Variants in NIM1K observed in about 807,000 individuals in gnomAD.
NIM1K encodes the protein serine/threonine-protein kinase NIM1.
A neutral mutation model predicts 37.1 loss-of-function variants in NIM1K; 35 were observed. The observed-to-expected ratio is 0.94, with a 90% confidence interval of 0.72 to 1.25. NIM1K has a LOEUF of 1.25. Among genes scored for constraint, NIM1K ranks in the 50% most tolerant of loss-of-function variants. NIM1K has a pLI of 0.00. For synonymous variants in NIM1K, 234 were observed against 206.6 expected (o/e 1.13, Z -1.14); for missense variants, 564 against 548.0 (o/e 1.03, Z -0.29).
rs868647627 is a variant in NIM1K, at chr5:43,245,754, G to A, written c.-22G>A. The A allele has an allele frequency of 1.9e-6, 3 of 1,552,384 alleles. No homozygotes were observed. The highest frequency in any genetic ancestry group is 1.7e-6 in the Non-Finnish European group (2 of 1,145,920). ...CACAACCTGCCTCTTCGCTGAGATG[G>A]AGACGTGAGCCCCCGTGGACGATGA... On this transcript the variant is annotated 5_prime_UTR_variant, in exon 2 of 4. Coordinates refer to ENST00000326035, the MANE Select transcript of NIM1K (RefSeq NM_153361.4).
chr5:43,227,163 C>G (rs550230256), intron 1 of NIM1K, among the ~76,000 whole-genome samples: 1 of 152,242 alleles, frequency 6.6e-6, no homozygotes, highest in Non-Finnish European at 1.5e-5. Context: ...GAGTTCAAGA[C>G]CAGCCTGACC....
In NIM1K at chr5:43,207,821, G is replaced by A. The variant is rs527834125; in HGVS notation, c.-695+15410G>A. On this transcript the variant is annotated intron_variant, in intron 1 of 3. Transcript: ENST00000326035. The stretch of plus-strand genomic sequence containing the variant: ...GAAAGCTAAACCTTAAAGATGAATA[G>A]CCCCTAACCACATGTGTTGCAAATA... 1.1e-4 allele frequency: 41 copies of A among 363,444 alleles called. 1 individual carries two copies. Among genetic ancestry groups the A allele is most frequent in the African/African-American group, 7.8e-4 (37 of 47,654 alleles). 22.5% of individuals were successfully genotyped at this position (363,444 alleles called of 1,614,324 possible). A position where few individuals can be genotyped will look rare whatever the true frequency, so the allele number is the denominator to read the frequency against.
intron 1 of NIM1K, among the ~76,000 whole-genome samples, chr5:43,231,112 G>A (rs1340128181): frequency 1.3e-5 from 2 of 152,324 alleles, no homozygotes; most frequent in Non-Finnish European, 2.9e-5. Flanking sequence ...GAGCTCAGGA[G>A]TTCAACACCA....
At chr5:43,201,463 G>A (rs1354674601) in intron 1 of NIM1K, among the ~76,000 whole-genome samples, 1 of 151,802 alleles carries the variant, frequency 6.6e-6, no homozygotes, top group East Asian at 1.9e-4. Context: ...TTTCTTTGAA[G>A]ACTAACAACA....
Position 43,245,901 on chromosome 5 carries a change from C to T in NIM1K, c.126C>T (p.Pro42=). ...GCAAGGAGGGTGAGGAGGGACAGCC[C>T]CGCCAGCTGACGCCCTTCGAGAAAC... ...ESSKEGEEGQ[P]RQLTPFEKLT... is the part of the protein sequence containing the mutation. The change falls in exon 2 of 4, where the codon CCC becomes CCT. Residue 42 remains proline (P), a synonymous_variant. Coordinates refer to ENST00000326035, the MANE Select transcript of NIM1K (RefSeq NM_153361.4). 1 of 1,614,092 alleles carries T rather than the reference C, an allele frequency of 6.2e-7. No individual in the cohort carries two copies. The highest frequency in any genetic ancestry group is 8.5e-7 in the Non-Finnish European group (1 of 1,180,000).
intron 1 of NIM1K, among the ~76,000 whole-genome samples, chr5:43,218,650 C>A (rs1182969049): frequency 6.6e-6 from 1 of 152,106 alleles, no homozygotes; most frequent in African/African-American, 2.4e-5. Flanking sequence ...CATGAGGGAT[C>A]CTTCCCCATG....
At position 43,244,638 on chromosome 5, in the gene NIM1K, G is replaced by A. The variant is rs958332652; in HGVS notation, c.-694-444G>A. Reference sequence around the variant, plus strand: ...TAAAATGACATAGGAAGAAAGAGTGGAAGCAACTAGTATAGGACAAGTTGT... The same window carrying A: ...TAAAATGACATAGGAAGAAAGAGTGAAAGCAACTAGTATAGGACAAGTTGT... On this transcript the variant is annotated intron_variant, in intron 1 of 3. Coordinates refer to ENST00000326035, the MANE Select transcript of NIM1K (RefSeq NM_153361.4). 6.6e-5 allele frequency among the ~76,000 whole-genome samples: 10 copies of A among 152,158 alleles called. 1 individual carries two copies. The highest frequency in any genetic ancestry group is 1.5e-4 in the Non-Finnish European group (10 of 68,032).
At chr5:43,263,614 A>T (rs534929640) in intron 2 of NIM1K, among the ~76,000 whole-genome samples, 1 of 149,716 alleles carries the variant, frequency 6.7e-6, no homozygotes, top group South Asian at 2.1e-4. Flanking sequence ...TGGTGTCTCC[A>T]TCTCCTTCAG....
chr5:43,202,728 C>A (rs921858614), intron 1 of NIM1K, among the ~76,000 whole-genome samples: 1 of 152,096 alleles, frequency 6.6e-6, no homozygotes, highest in African/African-American at 2.4e-5. Context: ...TACTAAGCAG[C>A]GCTGAAGAAA....
At position 43,221,177 on chromosome 5, in the gene NIM1K, CAAAAGA is replaced by C. The variant is rs1308212217; in HGVS notation, c.-694-23900_-694-23895del. Among the ~76,000 whole-genome samples, 4 of 152,058 alleles carry C rather than the reference CAAAAGA, an allele frequency of 2.6e-5. No individual in the cohort carries two copies. In the East Asian group the frequency reaches 5.8e-4, roughly 22 times the overall value. ...AGAGAAGAGTGCCTTTCTGATTTGT[CAAAAGA>C]AAAACCTTAGGCTGGGTGCTGTGGC... On this transcript the variant is annotated intron_variant, in intron 1 of 3. Coordinates refer to ENST00000326035, the MANE Select transcript of NIM1K (RefSeq NM_153361.4).
rs371414701 is a variant in NIM1K at position 43,273,204 on chromosome 5, T to C, written c.293-3853T>C. ...TTCTCACATCTTGCCAGAGTGCTTT[T>C]TTTTTTTTCTTTTTTTTGAGGTGGA... On this transcript the variant is annotated intron_variant, in intron 2 of 3. Coordinates refer to ENST00000326035, the MANE Select transcript of NIM1K (RefSeq NM_153361.4). Among the ~76,000 whole-genome samples the C allele has an allele frequency of 4.3e-4, 66 of 151,812 alleles. 1 individual carries two copies. Among genetic ancestry groups the C allele is most frequent in the African/African-American group, 1.5e-3 (64 of 41,334 alleles).
At chr5:43,274,187 G>T (rs780038681) in intron 2 of NIM1K, among the ~76,000 whole-genome samples, 14 of 152,152 alleles carry the variant, frequency 9.2e-5, no homozygotes, top group Non-Finnish European at 2.1e-4. Context: ...CCACACTCTA[G>T]ACCTGGCTCT....
At chr5:43,221,601 C>T (rs1038212703) in intron 1 of NIM1K, among the ~76,000 whole-genome samples, 1 of 152,252 alleles carries the variant, frequency 6.6e-6, no homozygotes, top group South Asian at 2.1e-4. Context: ...TCCAGGGCAG[C>T]TGTGTGATCA....
At chr5:43,220,881 TA>T (rs1752371242) in intron 1 of NIM1K, among the ~76,000 whole-genome samples, 1 of 152,114 alleles carries the variant, frequency 6.6e-6, no homozygotes. Context: ...GTAGTAAGCA[TA>T]GGGGGGACAT....
At chr5:43,254,498 C>T (rs1408162650) in intron 2 of NIM1K, among the ~76,000 whole-genome samples, 1 of 152,106 alleles carries the variant, frequency 6.6e-6, no homozygotes, top group African/African-American at 2.4e-5. Flanking sequence ...TCACATTGAT[C>T]CTTAAAGTTC....
At position 43,280,783 on chromosome 5, in the gene NIM1K, T is replaced by C. The variant is rs1579618989; in HGVS notation, c.*54T>C. 14 of 1,475,596 alleles carry C rather than the reference T, an allele frequency of 9.5e-6. No individual in the cohort carries two copies. In the South Asian group the frequency reaches 2.0e-4, roughly 21 times the overall value. 91.4% of individuals were successfully genotyped at this position (1,475,596 alleles called of 1,614,324 possible). On this transcript the variant is annotated 3_prime_UTR_variant, in exon 4 of 4. Transcript: ENST00000326035. ...AGATGATTGTTGCTGCTTCTAAATT[T>C]TTTTCAAGGACAACTTGAGTGGAGA...
At chr5:43,207,923 C>A in intron 1 of NIM1K, 1 of 434,166 alleles carries the variant, frequency 2.3e-6, no homozygotes, top group Non-Finnish European at 3.2e-6. Flanking sequence ...CAAAGTTTTC[C>A]TTTTTTTAAA....
At chr5:43,219,887 C>T (rs1033195352) in intron 1 of NIM1K, among the ~76,000 whole-genome samples, 2 of 151,824 alleles carry the variant, frequency 1.3e-5, no homozygotes, top group Non-Finnish European at 2.9e-5. Flanking sequence ...CTACCAAACC[C>T]GGCTAATTTT....
intron 1 of NIM1K, among the ~76,000 whole-genome samples, chr5:43,199,734 G>A (rs1410782323): frequency 3.0e-5 from 4 of 133,352 alleles, no homozygotes; most frequent in Non-Finnish European, 5.1e-5. Flanking sequence ...ATAACAGAAG[G>A]CAAAGAAAGG....
Sources: allele counts gnomAD v4.1 joint callset (sites outside exome capture counted in the v4.1 genomes callset), GRCh38; gene constraint gnomAD v4.1.1; transcripts MANE v1.5; gene names NCBI Gene and HGNC (gene_info 2026-07-23, HGNC 2026-07-21).